Variants in FAT4 observed in about 807,000 individuals in gnomAD.
The protein encoded by FAT4 is FAT atypical cadherin 4.
FAT4 carries 84 observed loss-of-function variants against 303.9 expected under a neutral mutation model. That is an observed-to-expected ratio of 0.28 (90% CI 0.23 to 0.33). The LOEUF is 0.33. FAT4 is among the 10% of genes least tolerant of loss of function. The pLI is 1.00. For missense variants in FAT4, 6,005 were observed against 6,146.8 expected (o/e 0.98, Z 0.77); for synonymous variants, 2,307 against 2,298.8 (o/e 1.00, Z -0.10).
intron 2 of FAT4, among the ~76,000 whole-genome samples, chr4:125,334,283 G>T (rs1731491059): frequency 6.6e-6 from 1 of 152,068 alleles, no homozygotes; most frequent in Non-Finnish European, 1.5e-5. Context: ...GCGGCTTCAA[G>T]ATGAAGCCTT....
chr4:125,381,046 T>C (rs1733521288), intron 2 of FAT4, among the ~76,000 whole-genome samples: 1 of 152,286 alleles, frequency 6.6e-6, no homozygotes, highest in Admixed American at 6.5e-5. Flanking sequence ...CTAACGTTAG[T>C]AGTCAAGTAG....
intron 2 of FAT4, among the ~76,000 whole-genome samples, chr4:125,338,141 G>C (rs886641047): frequency 1.3e-5 from 2 of 152,090 alleles, no homozygotes; most frequent in African/African-American, 2.4e-5. Flanking sequence ...ATAAGTTTGA[G>C]AATTTTCTTG....
intron 5 of FAT4, 36 bp downstream of exon 5, chr4:125,408,830 T>C (rs1734731253): frequency 1.9e-6 from 2 of 1,080,618 alleles, no homozygotes; most frequent in East Asian, 5.3e-5. Context: ...TTAAAACATC[T>C]ATAAACTGTC....
At position 125,484,002 on chromosome 4, in the gene FAT4, T is replaced by TTCTC. The variant is rs67727570; in HGVS notation, c.12822+2273_12822+2276dup. Among the ~76,000 whole-genome samples, 55 of 129,848 alleles carry TTCTC rather than the reference T, an allele frequency of 4.2e-4. 1 individual carries two copies. In the South Asian group the frequency reaches 6.8e-3, roughly 16 times the overall value. The allele number at this position is 129,848 out of a possible 152,430, so 85.2% of individuals were successfully genotyped here. On this transcript the variant is annotated intron_variant, in intron 16 of 17. Transcript: ENST00000394329. ...CTTTAACTCTTTCTTATGGTTTGCA[T>TTCTC]TCTCTCTCTCTCATTCTCTTTTCTA... is the stretch of plus-strand genomic sequence containing the variant.
chr4:125,418,529 G>A (rs1735162102), intron 7 of FAT4, among the ~76,000 whole-genome samples: 1 of 152,092 alleles, frequency 6.6e-6, no homozygotes, highest in Admixed American at 6.6e-5. Flanking sequence ...AGTGCTAAAA[G>A]TTACATTACT....
intron 2 of FAT4, among the ~76,000 whole-genome samples, chr4:125,325,828 G>A (rs1467403511): frequency 6.6e-6 from 1 of 152,128 alleles, no homozygotes; most frequent in African/African-American, 2.4e-5. Context: ...AAGTACTTTG[G>A]ATCTACTGCT....
chr4:125,385,672 G>A (rs1410236943), intron 2 of FAT4, among the ~76,000 whole-genome samples: 1 of 152,132 alleles, frequency 6.6e-6, no homozygotes, highest in Non-Finnish European at 1.5e-5. Flanking sequence ...GAGATGGTTA[G>A]TTGTAGTCAG....
At chr4:125,412,353 A>T (rs1474638881) in intron 5 of FAT4, among the ~76,000 whole-genome samples, 2 of 151,828 alleles carry the variant, frequency 1.3e-5, no homozygotes, top group Non-Finnish European at 2.9e-5. Flanking sequence ...CTGAGATGAG[A>T]GCTACTTCTT....
intron 7 of FAT4, among the ~76,000 whole-genome samples, chr4:125,420,801 A>G (rs1173320875): frequency 6.6e-6 from 1 of 152,178 alleles, no homozygotes; most frequent in African/African-American, 2.4e-5. Context: ...CAATTCTGTT[A>G]TCTATTAGAC....
chr4:125,384,408 C>T (rs890160216), intron 2 of FAT4, among the ~76,000 whole-genome samples: 12 of 152,120 alleles, frequency 7.9e-5, no homozygotes, highest in African/African-American at 2.7e-4. Flanking sequence ...TCTCAAATGA[C>T]TAATGAATTT....
At chr4:125,469,875 C>G (rs1194046112) in intron 12 of FAT4, among the ~76,000 whole-genome samples, 1 of 152,174 alleles carries the variant, frequency 6.6e-6, no homozygotes, top group East Asian at 1.9e-4. Context: ...TTCATGGCAT[C>G]TAGAATGGTG....
At position 125,318,077 on chromosome 4, in the gene FAT4, G is replaced by T; in HGVS notation, c.1666G>T (p.Asp556Tyr). 2 of 1,614,112 alleles carry T rather than the reference G, an allele frequency of 1.2e-6. No individual in the cohort carries two copies. The highest frequency in any genetic ancestry group is 1.1e-5 in the South Asian group (1 of 91,066). Reference sequence around the variant, plus strand: ...GATTGTTCTGAATATAAGTGCCCGGGACCAGGGAGTTCACCCCAAGGTGTC... The same window carrying T: ...GATTGTTCTGAATATAAGTGCCCGGTACCAGGGAGTTCACCCCAAGGTGTC... Reference protein sequence around the residue: ...SQIVLNISARDQGVHPKVSYA... With the variant: ...SQIVLNISARYQGVHPKVSYA... The change falls in exon 2 of 18, where the codon GAC becomes TAC. Residue 556 changes from aspartate to tyrosine, a missense_variant. Coordinates refer to ENST00000394329, the MANE Select transcript of FAT4 (RefSeq NM_001291303.3).
At position 125,317,531 on chromosome 4, in the gene FAT4, G is replaced by A; in HGVS notation, c.1120G>A (p.Gly374Ser). The A allele has an allele frequency of 6.2e-7, 1 of 1,613,898 alleles. No individual in the cohort carries two copies. Among genetic ancestry groups the A allele is most frequent in the Non-Finnish European group, 8.5e-7 (1 of 1,180,012 alleles). Reference sequence around the variant, plus strand: ...CTCGGTAGATGAGAATGCTCAAGTGGGCACCGTGGTGGCTCTGCTCACCGT... The same window carrying A: ...CTCGGTAGATGAGAATGCTCAAGTGAGCACCGTGGTGGCTCTGCTCACCGT... ...YASVDENAQV[G>S]TVVALLTVTD... is the part of the protein sequence containing the mutation. The change falls in exon 2 of 18, where the codon GGC (glycine) becomes AGC (serine). Residue 374 changes from glycine (G) to serine (S), a missense_variant. Gly to Ser is a moderately conservative substitution (Grantham distance 56, BLOSUM62 0). Transcript: ENST00000394329. This position sits in a 1 kb window ranked among gnomAD's most constrained non-coding sequence, Gnocchi z 7.0.
At chr4:125,477,663 A>G (rs1295782808) in intron 14 of FAT4, among the ~76,000 whole-genome samples, 1 of 151,792 alleles carries the variant, frequency 6.6e-6, no homozygotes, top group Non-Finnish European at 1.5e-5. Flanking sequence ...CAGCACAGAG[A>G]GATATGTAGA....
At chr4:125,350,726 C>G (rs1201214843) in intron 2 of FAT4, among the ~76,000 whole-genome samples, 1 of 151,632 alleles carries the variant, frequency 6.6e-6, no homozygotes. Context: ...CATAGGAAAA[C>G]AGAGCAAGTT....
intron 5 of FAT4, among the ~76,000 whole-genome samples, 173 bp from the exon 6 acceptor site, chr4:125,414,711 A>G (rs1020402895): frequency 5.3e-5 from 8 of 152,146 alleles, no homozygotes; most frequent in African/African-American, 1.7e-4. Flanking sequence ...TTAACATTTC[A>G]ACACCCTAGT....
chr4:125,414,001 A>G (rs931973840), intron 5 of FAT4, among the ~76,000 whole-genome samples: 1 of 152,018 alleles, frequency 6.6e-6, no homozygotes, highest in Non-Finnish European at 1.5e-5. Flanking sequence ...TAATTTTTCC[A>G]ATGTCATTAG....
At chr4:125,393,285 G>T (rs1734042350) in intron 2 of FAT4, among the ~76,000 whole-genome samples, 1 of 152,110 alleles carries the variant, frequency 6.6e-6, no homozygotes, top group Non-Finnish European at 1.5e-5. Context: ...TAGAATTGTG[G>T]TTGAGGTGGC....
rs1262944393 is a variant in FAT4, at chr4:125,407,062, T to G, written c.5490T>G (p.Thr1830=). 4 of 1,613,686 alleles carry G rather than the reference T, an allele frequency of 2.5e-6. No individual in the cohort carries two copies. The African/African-American group carries it at 5.3e-5, about 22-fold the overall frequency. The change falls in exon 4 of 18, where the codon ACT becomes ACG. Residue 1830 remains threonine, a synonymous_variant. Transcript: ENST00000394329. ...LQSSDMRINI[T]VSDVNDHTPK... The stretch of plus-strand genomic sequence containing the variant: ...CCTCGGATATGAGAATTAATATCAC[T>G]GTCAGTGATGTGAATGACCATACAC...
Sources: gnomAD v4.1 joint callset for allele counts (sites outside exome capture counted in the v4.1 genomes callset) on GRCh38, gnomAD v4.1.1 for gene constraint, Gnocchi (gnomAD v3.1) non-coding constraint, MANE v1.5 for transcripts, NCBI Gene and HGNC (gene_info 2026-07-23, HGNC 2026-07-21) for gene names.